Variants in KIR3DL1 observed in about 807,000 individuals in gnomAD.
KIR3DL1 encodes killer cell immunoglobulin-like receptor 3DL1.
Under a neutral mutation model 40.3 loss-of-function variants are expected in KIR3DL1, and 50 were observed. The observed-to-expected ratio is 1.24, with a 90% confidence interval of 0.99 to 1.57. The LOEUF is 1.57. Among genes scored for constraint, KIR3DL1 ranks in the 40% most tolerant of loss-of-function variants. The pLI is 0.00. For missense variants in KIR3DL1, 661 were observed against 559.9 expected (o/e 1.18, Z -1.82); for synonymous variants, 257 against 207.2 (o/e 1.24, Z -2.07).
chr19:54,827,360 G>A (rs1236952863), intron 6 of KIR3DL1, among the ~76,000 whole-genome samples: 2 of 150,924 alleles, frequency 1.3e-5, no homozygotes. Context: ...GGAGGCTAAG[G>A]CCAGTGGATT....
exon 4 of KIR3DL1, chr19:54,819,991 C>T (rs754618802): frequency 4.3e-6 from 7 of 1,610,728 alleles, no homozygotes; most frequent in Non-Finnish European, 5.9e-6. Flanking sequence ...TCCCAGTGAT[C>T]CCCTGGACAT....
At chr19:54,823,931 T>G (rs1475469205) in intron 5 of KIR3DL1, among the ~76,000 whole-genome samples, 5 of 137,382 alleles carry the variant, frequency 3.6e-5, no homozygotes, top group Admixed American at 1.4e-4. Context: ...CTCATGTCTT[T>G]TGCTCGTTTT....
In KIR3DL1 at chr19:54,818,500, ACCAC is replaced by A. The variant is rs2061467161; in HGVS notation, c.257_260del (p.Thr86LysfsTer28). On this transcript the variant is annotated frameshift_variant, in exon 3 of 9. Coordinates refer to ENST00000391728, the Ensembl canonical transcript of KIR3DL1. LOFTEE classifies it high-confidence loss of function. ...GGAGAGCTTCAACATGAGCCCTGTGACCACAGCACATGCAGGGAACTACACATGT... is the reference window on the plus strand; with the variant it reads ...GGAGAGCTTCAACATGAGCCCTGTGAAGCACATGCAGGGAACTACACATGT... 2 of 1,611,038 alleles carry A rather than the reference ACCAC, an allele frequency of 1.2e-6. No individual in the cohort carries two copies. Among genetic ancestry groups the A allele is most frequent in the Admixed American group, 1.7e-5 (1 of 59,826 alleles).
In KIR3DL1 at chr19:54,818,384, T is replaced by C; in HGVS notation, c.140T>C (p.Leu47Pro). 1.9e-6 allele frequency: 3 copies of C among 1,607,050 alleles called. No individual in the cohort carries two copies. The Admixed American group carries it at 5.0e-5, about 27-fold the overall frequency. ...GTGCCTCGAGGAGGACACGTGACTC[T>C]TCGGTGTCACTATCGTCATAGGTTT... The change falls in exon 3 of 9, where the codon CTT (leucine) becomes CCT (proline). Residue 47 changes from leucine (L) to proline (P), a missense_variant. This residue lies in a region of KIR3DL1 where 548 missense variants were observed against 413.3 expected (regional missense o/e 1.33). Coordinates refer to ENST00000391728, the Ensembl canonical transcript of KIR3DL1.
intron 1 of KIR3DL1, among the ~76,000 whole-genome samples, chr19:54,817,179 T>C (rs532657728): frequency 0.11 from 15,844 of 139,890 alleles, 1,169 homozygotes; most frequent in Non-Finnish European, 0.15. Flanking sequence ...AGTGGAGATA[T>C]GAGCCTGGAG....
chr19:54,828,009 A>T (rs2148189231), intron 6 of KIR3DL1, among the ~76,000 whole-genome samples: 1 of 150,676 alleles, frequency 6.6e-6, no homozygotes, highest in Admixed American at 6.6e-5. Flanking sequence ...CAGTGCCAGC[A>T]CTAGCTCCTG....
exon 9 of KIR3DL1, chr19:54,830,170 A>T: frequency 6.6e-7 from 1 of 1,524,164 alleles, no homozygotes. Flanking sequence ...CACAGAGAAA[A>T]ATCACTCGCC....
chr19:54,825,814 T>C (rs2061856154), intron 6 of KIR3DL1, among the ~76,000 whole-genome samples: 1 of 149,932 alleles, frequency 6.7e-6, no homozygotes, highest in Non-Finnish European at 1.5e-5. Flanking sequence ...AGGCTCCCAG[T>C]TCCTTGGCTC....
intron 6 of KIR3DL1, among the ~76,000 whole-genome samples, chr19:54,828,075 C>T (rs1374925826): frequency 6.6e-6 from 1 of 150,436 alleles, no homozygotes; most frequent in African/African-American, 2.5e-5. Flanking sequence ...AATAGATAGT[C>T]GAGGGGGTGG....
chr19:54,821,648 C>G (rs759968155), exon 5 of KIR3DL1: 1 of 1,609,502 alleles, frequency 6.2e-7, no homozygotes, highest in South Asian at 1.1e-5. Flanking sequence ...CTGTAGCTCC[C>G]GGAGCTCCTA....
At chr19:54,820,611 C>T (rs1402714846) in intron 4 of KIR3DL1, among the ~76,000 whole-genome samples, 2 of 151,280 alleles carry the variant, frequency 1.3e-5, no homozygotes, top group Admixed American at 1.3e-4. Context: ...ATGATAGGAT[C>T]GCTGAGAGAC....
At position 54,818,810 on chromosome 19, in the gene KIR3DL1, T is replaced by G. The variant is rs57665742; in HGVS notation, c.355+211T>G. The stretch of plus-strand genomic sequence containing the variant: ...AATCCCTGGAGCCTGTGACTATTTA[T>G]GTTACAGGGCAGGGGACTGAAGGGG... On this transcript the variant is annotated intron_variant, in intron 3 of 8. Transcript: ENST00000391728. Among the ~76,000 whole-genome samples, 398 of 151,108 alleles carry G rather than the reference T, an allele frequency of 2.6e-3. 15 individuals are homozygous for G. Among genetic ancestry groups the G allele is most frequent in the African/African-American group, 9.0e-3 (370 of 40,970 alleles).
At chr19:54,820,890 G>A (rs552628830) in intron 4 of KIR3DL1, among the ~76,000 whole-genome samples, 1,622 of 151,218 alleles carry the variant, frequency 0.011, 78 homozygotes, top group African/African-American at 0.038. Context: ...CAAGGAGACG[G>A]AGAGAGAGAG....
At chr19:54,819,654 G>A in intron 3 of KIR3DL1, 59 bp from the exon 4 acceptor site, 5 of 1,551,684 alleles carry the variant, frequency 3.2e-6, no homozygotes, top group South Asian at 1.2e-5. Context: ...CTCATTCCAG[G>A]TGCCATGGAT....
chr19:54,829,015 T>A (rs1263609293), intron 6 of KIR3DL1, among the ~76,000 whole-genome samples: 1 of 142,222 alleles, frequency 7.0e-6, no homozygotes, highest in East Asian at 2.1e-4. Flanking sequence ...AGAGGGAACT[T>A]GCTAACCCCG....
At chr19:54,824,602 G>C (rs1346598803) in intron 5 of KIR3DL1, among the ~76,000 whole-genome samples, 3 of 151,378 alleles carry the variant, frequency 2.0e-5, no homozygotes, top group African/African-American at 7.3e-5. Context: ...CTTGAATCCA[G>C]GAAGTGGAGG....
chr19:54,816,822 A>C, intron 1 of KIR3DL1, among the ~76,000 whole-genome samples: 1 of 66,050 alleles, frequency 1.5e-5, no homozygotes, highest in African/African-American at 7.4e-5. Flanking sequence ...ATGGGCCTGG[A>C]GGGGAGATGT....
At chr19:54,822,652 C>CT (rs904941363) in intron 5 of KIR3DL1, among the ~76,000 whole-genome samples, 6 of 150,650 alleles carry the variant, frequency 4.0e-5, no homozygotes, top group African/African-American at 1.2e-4. Flanking sequence ...CATCTATATT[C>CT]TTTTTTTTGT....
rs1254685492 is a variant in KIR3DL1, at chr19:54,821,995, G to A, written c.949+137G>A. 1.2e-4 allele frequency: 129 copies of A among 1,095,708 alleles called. 6 individuals are homozygous for A. The Admixed American group carries it at 2.7e-3, about 23-fold the overall frequency. 67.9% of individuals were successfully genotyped at this position (1,095,708 alleles called of 1,614,324 possible). A position where few individuals can be genotyped will look rare whatever the true frequency, so the allele number is the denominator to read the frequency against. On this transcript the variant is annotated intron_variant, in intron 5 of 8. Coordinates refer to ENST00000391728, the Ensembl canonical transcript of KIR3DL1. ...GGTGTGAGGGCGGAGTCAGGGCGCA[G>A]GATGGCAGACAGGGCACCTCCAAAC...
Sources: gnomAD v4.1 joint callset for allele counts (sites outside exome capture counted in the v4.1 genomes callset) on GRCh38, gnomAD v4.1.1 for gene constraint, gnomAD v4.1.1 regional missense constraint, MANE v1.5 for transcripts, NCBI Gene and HGNC (gene_info 2026-07-23, HGNC 2026-07-21) for gene names.